Variants in RNF128 observed in about 807,000 individuals in gnomAD.
RNF128 encodes ring finger protein 128, also known as E3 ubiquitin-protein ligase RNF128.
Under a neutral mutation model 26.2 loss-of-function variants are expected in RNF128, and 13 were observed. The observed-to-expected ratio is 0.50, with a 90% CI of 0.32 to 0.79. The LOEUF (loss-of-function observed/expected upper bound fraction) is 0.79, where lower values mean the gene tolerates loss of function less well. Ranked by LOEUF, RNF128 falls within the 30% of genes least tolerant of loss-of-function variation. RNF128 has a pLI of 0.03. For missense variants in RNF128, 315 were observed against 349.7 expected (o/e 0.90, Z 0.79); for synonymous variants, 149 against 142.5 (o/e 1.05, Z -0.32).
intron 6 of RNF128, among the ~76,000 whole-genome samples, chrX:106,792,093 A>G (rs1930836831): frequency 1.8e-5 from 2 of 111,182 alleles, no homozygotes; most frequent in African/African-American, 6.5e-5. Context: ...CACAATGAAT[A>G]TAACCACACA....
chrX:106,694,394 A>G (rs1198052645), exon 1 of RNF128: 2 of 1,183,100 alleles, frequency 1.7e-6, no homozygotes, highest in Non-Finnish European at 2.3e-6. Context: ...CAGACGATAC[A>G]GATGGCAAAT....
rs936832378 is a variant in RNF128, at chrX:106,795,758, T to G, written c.*45T>G. ...CTTGAACCATTAGTAATAACAGAACTGCCAATCAGGGCCTAGTTTCTATTA... is the reference window on the plus strand; with the variant it reads ...CTTGAACCATTAGTAATAACAGAACGGCCAATCAGGGCCTAGTTTCTATTA... On this transcript the variant is annotated 3_prime_UTR_variant, in exon 7 of 7. Transcript: ENST00000255499. 1.9e-6 allele frequency: 2 copies of G among 1,051,703 alleles called. No homozygotes were observed. The highest frequency in any genetic ancestry group is 2.5e-5 in the South Asian group (1 of 40,648). 86.7% of individuals were successfully genotyped at this position (1,051,703 alleles called of 1,213,427 possible).
intron 1 of RNF128, among the ~76,000 whole-genome samples, chrX:106,732,677 A>G (rs973334481): frequency 8.9e-6 from 1 of 111,921 alleles, no homozygotes; most frequent in African/African-American, 3.2e-5. Context: ...GAGTGTACAC[A>G]TACTTCAAGA....
intron 1 of RNF128, among the ~76,000 whole-genome samples, chrX:106,719,082 G>A (rs775417136): frequency 1.8e-5 from 2 of 112,195 alleles, no homozygotes; most frequent in Non-Finnish European, 3.8e-5. Context: ...ATAGGTGATT[G>A]TGATTACATA....
chrX:106,726,748 C>G lies in RNF128; in HGVS notation c.-166C>G. On this transcript the variant is annotated 5_prime_UTR_variant, in exon 1 of 7. Coordinates refer to ENST00000255499, the MANE Select transcript of RNF128 (RefSeq NM_194463.2). ...CTCCGAGGAGCTGCATCTGCGGCAACCTGTGTGCTGACGCTACGTGCCTCC... is the reference window on the plus strand; with the variant it reads ...CTCCGAGGAGCTGCATCTGCGGCAAGCTGTGTGCTGACGCTACGTGCCTCC... The G allele has an allele frequency of 9.4e-7, 1 of 1,058,841 alleles. No individual in the cohort carries two copies. Among genetic ancestry groups the G allele is most frequent in the Non-Finnish European group, 1.2e-6 (1 of 827,862 alleles). The allele number at this position is 1,058,841 out of a possible 1,213,427, so 87.3% of individuals were successfully genotyped here.
At chrX:106,694,987 C>T (rs888584909) in intron 1 of RNF128, among the ~76,000 whole-genome samples, 4 of 111,296 alleles carry the variant, frequency 3.6e-5, no homozygotes. Flanking sequence ...AATAGGATAA[C>T]ACTGTAATTA....
chrX:106,788,426 T>G (rs187187433), intron 4 of RNF128, among the ~76,000 whole-genome samples: 46 of 46,527 alleles, frequency 9.9e-4, no homozygotes, highest in African/African-American at 4.4e-3. Flanking sequence ...ATAATATATA[T>G]TATATATAAT....
At chrX:106,711,669 C>T (rs1309028755) in intron 1 of RNF128, among the ~76,000 whole-genome samples, 1 of 111,761 alleles carries the variant, frequency 8.9e-6, no homozygotes, top group Admixed American at 9.5e-5. Context: ...TTGTCTCAAG[C>T]ACATTTTATT....
chrX:106,789,623 T>A (rs1475758986), intron 4 of RNF128, among the ~76,000 whole-genome samples: 2 of 105,181 alleles, frequency 1.9e-5, no homozygotes, highest in Admixed American at 2.2e-4. Flanking sequence ...TGGATTAATG[T>A]TAAATTTATT....
At chrX:106,787,041 A>G (rs967845745) in intron 3 of RNF128, among the ~76,000 whole-genome samples, 1 of 111,202 alleles carries the variant, frequency 9.0e-6, no homozygotes, top group Non-Finnish European at 1.9e-5. Flanking sequence ...AATGTTTGGC[A>G]GTTCCTTATG....
chrX:106,755,218 A>G (rs1929980558), intron 1 of RNF128, among the ~76,000 whole-genome samples: 1 of 111,732 alleles, frequency 8.9e-6, no homozygotes, highest in Non-Finnish European at 1.9e-5. Context: ...GAAGAAAACC[A>G]AAACCTGAAT....
At chrX:106,749,853 C>T (rs936204895) in intron 1 of RNF128, among the ~76,000 whole-genome samples, 1 of 108,321 alleles carries the variant, frequency 9.2e-6, no homozygotes, top group Non-Finnish European at 1.9e-5. Context: ...TGCAGTGAGC[C>T]GTGATCGTGC....
intron 1 of RNF128, among the ~76,000 whole-genome samples, chrX:106,717,324 G>A (rs933074533): frequency 8.9e-6 from 1 of 112,090 alleles, no homozygotes; most frequent in Non-Finnish European, 1.9e-5. Context: ...ATTTGGAATA[G>A]GGAAGAGACT....
intron 1 of RNF128, among the ~76,000 whole-genome samples, chrX:106,769,672 T>C (rs1051655421): frequency 9.2e-6 from 1 of 109,148 alleles, no homozygotes; most frequent in African/African-American, 3.3e-5. Context: ...TGGGTCTTGA[T>C]TCTTTATCCA....
At chrX:106,787,530 CAT>C (rs1425148345) in intron 3 of RNF128, among the ~76,000 whole-genome samples, 1 of 110,873 alleles carries the variant, frequency 9.0e-6, no homozygotes, top group Non-Finnish European at 1.9e-5. Flanking sequence ...TAAGTGACGA[CAT>C]ATTTTTCAAA....
At position 106,769,864 on chromosome X, in the gene RNF128, G is replaced by A. The variant is rs367606456; in HGVS notation, c.485-3049G>A. 8.1e-5 allele frequency among the ~76,000 whole-genome samples: 9 copies of A among 110,896 alleles called. 1 individual carries two copies. The highest frequency in any genetic ancestry group is 2.8e-4 in the East Asian group (1 of 3,549). On this transcript the variant is annotated intron_variant, in intron 1 of 6. Coordinates refer to ENST00000255499, the MANE Select transcript of RNF128 (RefSeq NM_194463.2). The stretch of plus-strand genomic sequence containing the variant: ...TAGCATCGATGGTCTTTACAATTTC[G>A]CATGCTTTTGCAGTGGCTGGTACCA...
chrX:106,706,020 G>A (rs1929037028), intron 1 of RNF128, among the ~76,000 whole-genome samples: 1 of 111,362 alleles, frequency 9.0e-6, no homozygotes, highest in African/African-American at 3.3e-5. Context: ...CCTCAATAAG[G>A]GCAGCTTAAA....
intron 1 of RNF128, among the ~76,000 whole-genome samples, chrX:106,720,401 A>G (rs1929289413): frequency 9.0e-6 from 1 of 111,328 alleles, no homozygotes; most frequent in Non-Finnish European, 1.9e-5. Flanking sequence ...TTTTGTAGAG[A>G]CAGGATCTCG....
chrX:106,769,519 A>G (rs1195755390), intron 1 of RNF128, among the ~76,000 whole-genome samples: 8 of 104,396 alleles, frequency 7.7e-5, no homozygotes, highest in Admixed American at 3.2e-4. Flanking sequence ...CTGTTTGATC[A>G]GAGACTAGGA....
Sources: allele counts gnomAD v4.1 joint callset (sites outside exome capture counted in the v4.1 genomes callset), GRCh38; gene constraint gnomAD v4.1.1; transcripts MANE v1.5; gene names NCBI Gene and HGNC (gene_info 2026-07-23, HGNC 2026-07-21).